The following PRICKLE2 variants were observed in gnomAD, a reference collection of about 807,000 sequenced individuals.
PRICKLE2 encodes prickle planar cell polarity protein 2.
Under a neutral mutation model 81.4 loss-of-function variants are expected in PRICKLE2, and 21 were observed. The ratio of observed to expected loss-of-function variants is 0.26; its 90% CI spans 0.18 to 0.37. PRICKLE2 has a LOEUF of 0.37. PRICKLE2 is among the 10% of genes least tolerant of loss of function. The pLI is 1.00. For missense variants in PRICKLE2, 940 were observed against 1,109.0 expected (o/e 0.85, Z 2.16); for synonymous variants, 456 against 421.5 (o/e 1.08, Z -1.00).
intron 6 of PRICKLE2, among the ~76,000 whole-genome samples, chr3:64,148,459 C>G (rs1259483098): frequency 6.6e-6 from 1 of 152,208 alleles, no homozygotes; most frequent in African/African-American, 2.4e-5. Flanking sequence ...TCTCCAGGAC[C>G]TGGAACATGG....
intron 5 of PRICKLE2, 157 bp from the exon 6 acceptor site, chr3:64,153,525 T>A: frequency 1.5e-6 from 1 of 665,310 alleles, no homozygotes. Context: ...TTATTCTGTA[T>A]GTATATCAGT....
At chr3:64,196,924 T>A (rs1011022918) in intron 2 of PRICKLE2, among the ~76,000 whole-genome samples, 1 of 152,196 alleles carries the variant, frequency 6.6e-6, no homozygotes, top group Non-Finnish European at 1.5e-5. Context: ...AACTTTTACA[T>A]GAAAAAATCT....
rs528507573 is a variant in PRICKLE2 at position 64,131,678 on chromosome 3, T to TA, written c.1660+15151dup. Among the ~76,000 whole-genome samples the TA allele has an allele frequency of 2.2e-4, 34 of 152,186 alleles. No individual in the cohort carries two copies. In the East Asian group the frequency reaches 5.2e-3, roughly 23 times the overall value. ...GAGAAATCAGCCCTGAAAGGAAAAA[T>TA]AAGCTATAGCAATAGAAAGAACAGT... On this transcript the variant is annotated intron_variant, in intron 7 of 7. Coordinates refer to ENST00000638394, the MANE Select transcript of PRICKLE2 (RefSeq NM_198859.4).
intron 2 of PRICKLE2, among the ~76,000 whole-genome samples, chr3:64,180,606 C>T (rs1188771280): frequency 2.0e-5 from 3 of 152,046 alleles, no homozygotes; most frequent in Non-Finnish European, 4.4e-5. Flanking sequence ...TATCTCTGCT[C>T]ACTGCAACCT....
intron 1 of PRICKLE2, among the ~76,000 whole-genome samples, chr3:64,207,724 T>C (rs1559579582): frequency 6.6e-6 from 1 of 152,106 alleles, no homozygotes; most frequent in Non-Finnish European, 1.5e-5. Flanking sequence ...TTAGGTCCCT[T>C]CGATAAAAAA....
Position 64,147,726 on chromosome 3 carries a change from G to A in PRICKLE2, c.788-24C>T. The stretch of plus-strand genomic sequence containing the variant: ...ACCTAAAAAAATGAGAGACATTGGA[G>A]AGGCTGATGAGCTGCTCAGAGCTCT... On this transcript the variant is annotated intron_variant, in intron 6 of 7. Coordinates refer to ENST00000638394, the MANE Select transcript of PRICKLE2 (RefSeq NM_198859.4). The surrounding 1 kb of genome is among the most constrained non-coding windows in gnomAD (Gnocchi z 5.0). 1 of 1,613,034 alleles carries A rather than the reference G, an allele frequency of 6.2e-7. No homozygotes were observed. The highest frequency in any genetic ancestry group is 8.5e-7 in the Non-Finnish European group (1 of 1,179,894).
chr3:64,100,125 C>T, intron 7 of PRICKLE2, 200 bp from the exon 8 acceptor site: 1 of 595,380 alleles, frequency 1.7e-6, no homozygotes, highest in South Asian at 2.1e-5. Context: ...CTAGAGGGGG[C>T]ACTTACTTAA....
chr3:64,199,296 T>G (rs2078524069), intron 1 of PRICKLE2: 2 of 450,390 alleles, frequency 4.4e-6, no homozygotes, highest in Admixed American at 7.7e-5. Context: ...CCACTGGATA[T>G]GGCCCATGAC....
chr3:64,168,546 C>T (rs774189331), intron 2 of PRICKLE2, among the ~76,000 whole-genome samples: 5 of 152,192 alleles, frequency 3.3e-5, no homozygotes, highest in African/African-American at 9.7e-5. Flanking sequence ...AGTGACCCTA[C>T]GGCTTGACGC....
chr3:64,264,795 G>A (rs1482526322), intron 2 of PRICKLE2, among the ~76,000 whole-genome samples: 1 of 152,216 alleles, frequency 6.6e-6, no homozygotes, highest in African/African-American at 2.4e-5. Context: ...TTTGAAAGAT[G>A]TGATAAGCAA....
At chr3:64,123,166 C>T (rs1390493275) in intron 7 of PRICKLE2, among the ~76,000 whole-genome samples, 1 of 152,096 alleles carries the variant, frequency 6.6e-6, no homozygotes, top group Non-Finnish European at 1.5e-5. Flanking sequence ...TGTGCACACT[C>T]CTTGATCCAA....
upstream of PRICKLE2, among the ~76,000 whole-genome samples, chr3:64,226,109 A>C (rs973802497): frequency 6.6e-6 from 1 of 152,168 alleles, no homozygotes; most frequent in African/African-American, 2.4e-5. Flanking sequence ...TTCCCAGGGC[A>C]TCTGAAGACC....
chr3:64,098,396 T>C lies in PRICKLE2; in HGVS notation c.*655A>G, dbSNP rs1380053786. 1.3e-5 allele frequency: 2 copies of C among 152,214 alleles called. No individual in the cohort carries two copies. Among genetic ancestry groups the C allele is most frequent in the Non-Finnish European group, 2.9e-5 (2 of 68,068 alleles). The allele number at this position is 152,214 out of a possible 1,614,324, so 9.4% of individuals were successfully genotyped here. On this transcript the variant is annotated 3_prime_UTR_variant, in exon 8 of 8. Coordinates refer to ENST00000638394, the MANE Select transcript of PRICKLE2 (RefSeq NM_198859.4). ...AATGCTTTGGGTCTAACAGTTATGTTTTTTCAGCCACAAAAAGCCAAATTG... is the reference window on the plus strand; with the variant it reads ...AATGCTTTGGGTCTAACAGTTATGTCTTTTCAGCCACAAAAAGCCAAATTG...
At chr3:64,105,682 C>T (rs1411369181) in intron 7 of PRICKLE2, 3 of 152,204 alleles carry the variant, frequency 2.0e-5, no homozygotes, top group Non-Finnish European at 4.4e-5. Flanking sequence ...ATGTTTTCTC[C>T]TTACTAATCA....
rs749988801 is a variant in PRICKLE2, at chr3:64,241,258, A to T, written c.129-42291T>A. The stretch of plus-strand genomic sequence containing the variant: ...AACAACATCTGGATACGCTGAGCTC[A>T]AGCTCCTAGGAGGCAGCCACCAGCT... On this transcript the variant is annotated intron_variant, in intron 2 of 8. Coordinates refer to the PRICKLE2 transcript ENST00000295902. 2.0e-5 allele frequency among the ~76,000 whole-genome samples: 3 copies of T among 152,206 alleles called. No individual in the cohort carries two copies. The South Asian group carries it at 6.2e-4, about 32-fold the overall frequency.
chr3:64,246,073 CT>C (rs1265509394), intron 2 of PRICKLE2, among the ~76,000 whole-genome samples: 4 of 152,010 alleles, frequency 2.6e-5, no homozygotes, highest in African/African-American at 9.7e-5. Context: ...GGCAAAACCC[CT>C]CTGCAAAAAA....
chr3:64,139,798 C>T (rs1253556863), intron 7 of PRICKLE2, among the ~76,000 whole-genome samples: 1 of 152,200 alleles, frequency 6.6e-6, no homozygotes, highest in Non-Finnish European at 1.5e-5. Flanking sequence ...TTCATACATT[C>T]CTACCACAGG....
At chr3:64,227,518 T>C (rs919700568), upstream of PRICKLE2, among the ~76,000 whole-genome samples, 3 of 152,182 alleles carry the variant, frequency 2.0e-5, no homozygotes, top group African/African-American at 7.2e-5. Context: ...AGCTGAAACA[T>C]AGCAAGAGAT....
chr3:64,118,375 C>T (rs1559519227), intron 7 of PRICKLE2, among the ~76,000 whole-genome samples: 2 of 152,058 alleles, frequency 1.3e-5, no homozygotes, highest in Non-Finnish European at 2.9e-5. Context: ...AGCTTCTGCA[C>T]AGCAAAAAGA....
Sources: gnomAD v4.1 joint callset for allele counts (sites outside exome capture counted in the v4.1 genomes callset) on GRCh38, gnomAD v4.1.1 for gene constraint, Gnocchi (gnomAD v3.1) non-coding constraint, MANE v1.5 for transcripts, NCBI Gene and HGNC (gene_info 2026-07-23, HGNC 2026-07-21) for gene names.